The following SLC36A1 variants were observed in gnomAD, a reference collection of about 807,000 sequenced individuals.
SLC36A1 encodes the protein proton-coupled amino acid transporter 1.
SLC36A1 carries 30 observed loss-of-function variants against 47.5 expected under a neutral mutation model. That is an observed-to-expected ratio of 0.63 (90% confidence interval 0.47 to 0.86). The LOEUF is 0.86. Ranked by LOEUF, SLC36A1 falls within the 40% of genes least tolerant of loss-of-function variation. The pLI is 0.00. For synonymous variants in SLC36A1, 255 were observed against 249.7 expected (o/e 1.02, Z -0.20); for missense variants, 517 against 606.0 (o/e 0.85, Z 1.54).
chr5:151,551,810 GAATTTTATT>G, the SLC36A1 span, among the ~76,000 whole-genome samples: 1 of 151,972 alleles, frequency 6.6e-6, no homozygotes, highest in Non-Finnish European at 1.5e-5. Context: ...ATTTTTATTT[GAATTTTATT>G]AATAAATCAA....
the SLC36A1 span, among the ~76,000 whole-genome samples, chr5:151,355,611 C>T: frequency 6.6e-6 from 1 of 152,032 alleles, no homozygotes; most frequent in Non-Finnish European, 1.5e-5. Context: ...ATAAATTATC[C>T]TAATTCTATT....
the SLC36A1 span, chr5:151,529,130 C>T: frequency 6.6e-7 from 1 of 1,515,310 alleles, no homozygotes; most frequent in African/African-American, 1.4e-5. Flanking sequence ...AGATAAGAAC[C>T]CATCCCAGAG....
At chr5:151,538,086 AAC>A in the SLC36A1 span, 2 of 637,926 alleles carry the variant, frequency 3.1e-6, no homozygotes, top group African/African-American at 3.6e-5. Flanking sequence ...CAGAAAAAAG[AAC>A]AGAGACAGAG....
the SLC36A1 span, among the ~76,000 whole-genome samples, chr5:151,516,767 A>T: frequency 6.6e-6 from 1 of 152,326 alleles, no homozygotes; most frequent in African/African-American, 2.4e-5. Flanking sequence ...TCTGTTTTGA[A>T]TGAATTAAAA....
At chr5:151,384,996 G>A in the SLC36A1 span, among the ~76,000 whole-genome samples, 3 of 131,088 alleles carry the variant, frequency 2.3e-5, no homozygotes, top group African/African-American at 1.1e-4. Context: ...GGGTGTGTGA[G>A]AGAGAGAGAG....
the SLC36A1 span, among the ~76,000 whole-genome samples, chr5:151,538,736 G>A: frequency 6.6e-6 from 1 of 152,136 alleles, no homozygotes; most frequent in African/African-American, 2.4e-5. Context: ...TGAGTGCAGT[G>A]GCACGATCTT....
At chr5:151,361,875 A>G in the SLC36A1 span, among the ~76,000 whole-genome samples, 1 of 151,978 alleles carries the variant, frequency 6.6e-6, no homozygotes, top group African/African-American at 2.4e-5. Flanking sequence ...TTTTTCTTTC[A>G]GCACTTTGAA....
At chr5:151,440,804 T>C (rs1245414526) in intron 1 of SLC36A1, among the ~76,000 whole-genome samples, 1 of 152,078 alleles carries the variant, frequency 6.6e-6, no homozygotes, top group African/African-American at 2.4e-5. Context: ...CTTGCCCAGG[T>C]CACCCAGCTG....
At chr5:151,421,572 CT>C in the SLC36A1 span, among the ~76,000 whole-genome samples, 2 of 143,658 alleles carry the variant, frequency 1.4e-5, no homozygotes, top group Admixed American at 7.0e-5. Context: ...TTTTCTTTTT[CT>C]TTCTTTCTTT....
At chr5:151,380,894 G>A in the SLC36A1 span, 4 of 417,290 alleles carry the variant, frequency 9.6e-6, no homozygotes, top group African/African-American at 2.1e-5. Context: ...CCAAGGGACG[G>A]GGCTGCACCT....
chr5:151,461,684 A>G (rs1184033066), intron 2 of SLC36A1, among the ~76,000 whole-genome samples: 1 of 152,232 alleles, frequency 6.6e-6, no homozygotes, highest in Non-Finnish European at 1.5e-5. Flanking sequence ...CTGTAGAACG[A>G]ATCAAGGCAG....
At chr5:151,534,331 G>T in the SLC36A1 span, 1 of 1,179,646 alleles carries the variant, frequency 8.5e-7, no homozygotes, top group Non-Finnish European at 1.2e-6. Context: ...GTCCTAGAGA[G>T]ACACAAAGGG....
In SLC36A1 at chr5:151,489,411, CAG is replaced by C. The variant is rs1269619230; in HGVS notation, c.*1160_*1161del. ...GATGAGTAGCTGAGGTCAGTGTGCA[CAG>C]AGTTTGAAATTAAGTTAATAGACTT... is the stretch of plus-strand genomic sequence containing the variant. On this transcript the variant is annotated 3_prime_UTR_variant, in exon 11 of 11. Coordinates refer to ENST00000243389, the MANE Select transcript of SLC36A1 (RefSeq NM_078483.4). This position sits in a 1 kb window ranked among gnomAD's most constrained non-coding sequence, Gnocchi z 4.5. The C allele has an allele frequency of 2.0e-5, 3 of 152,616 alleles. No individual in the cohort carries two copies. Among genetic ancestry groups the C allele is most frequent in the African/African-American group, 7.2e-5 (3 of 41,430 alleles). The allele number at this position is 152,616 out of a possible 1,614,324, so 9.5% of individuals were successfully genotyped here.
chr5:151,544,144 G>A, the SLC36A1 span: 1 of 1,614,176 alleles, frequency 6.2e-7, no homozygotes, highest in Non-Finnish European at 8.5e-7. Context: ...CATCTCCCCT[G>A]TGCTCCCATT....
At chr5:151,532,836 G>A in the SLC36A1 span, among the ~76,000 whole-genome samples, 12 of 152,318 alleles carry the variant, frequency 7.9e-5, no homozygotes, top group East Asian at 1.2e-3. Context: ...AGGGTCTCAC[G>A]TCTCCCACAC....
chr5:151,534,801 C>G, the SLC36A1 span, among the ~76,000 whole-genome samples: 2 of 151,674 alleles, frequency 1.3e-5, no homozygotes, highest in African/African-American at 4.8e-5. Flanking sequence ...CCTGTATCCC[C>G]CCATACCCAT....
chr5:151,450,501 G>C (rs565105046), intron 1 of SLC36A1, among the ~76,000 whole-genome samples: 2 of 143,256 alleles, frequency 1.4e-5, no homozygotes, highest in Admixed American at 1.4e-4. Flanking sequence ...GGACGGAACT[G>C]GTGTCCACTT....
At chr5:151,501,077 G>T in the SLC36A1 span, among the ~76,000 whole-genome samples, 1 of 152,332 alleles carries the variant, frequency 6.6e-6, no homozygotes, top group South Asian at 2.1e-4. Flanking sequence ...CTGCCTTGGG[G>T]TCTTGCCCCT....
the SLC36A1 span, chr5:151,553,312 G>A: frequency 1.6e-5 from 26 of 1,614,254 alleles, no homozygotes; most frequent in African/African-American, 9.3e-5. Flanking sequence ...GAGGACGGCC[G>A]GGGCCAAGGG....
Sources: allele counts gnomAD v4.1 joint callset (sites outside exome capture counted in the v4.1 genomes callset), GRCh38; gene constraint gnomAD v4.1.1; non-coding constraint Gnocchi (gnomAD v3.1); transcripts MANE v1.5; gene names NCBI Gene and HGNC (gene_info 2026-07-23, HGNC 2026-07-21).